NTMT1: variants seen among roughly 807,000 people sequenced by gnomAD.
The protein encoded by NTMT1 is N-terminal RCC1 methyltransferase.
Under a neutral mutation model 17.5 loss-of-function variants are expected in NTMT1, and 8 were observed. The ratio of observed to expected loss-of-function variants is 0.46; its 90% CI spans 0.27 to 0.82. The LOEUF (loss-of-function observed/expected upper bound fraction) is 0.82. Ranked by LOEUF, NTMT1 falls within the 40% of genes least tolerant of loss-of-function variation. The pLI is 0.15. For synonymous variants in NTMT1, 128 were observed against 126.8 expected, an observed-to-expected ratio of 1.01 and a Z score of -0.06; for missense variants, 221 against 303.5, an observed-to-expected ratio of 0.73 and a Z score of 2.02.
At position 129,626,285 on chromosome 9, in the gene NTMT1, C is replaced by G. The variant is rs540234593; in HGVS notation, c.-65C>G. The stretch of plus-strand genomic sequence containing the variant: ...ATCTTCTTCTCTCGGTCCCGGGAGC[C>G]CCCGCCCGGAGTGAGTAGCGCGAGG... On this transcript the variant is annotated 5_prime_UTR_variant, in exon 1 of 4. Transcript: ENST00000372483. 1 of 152,324 alleles carries G rather than the reference C, an allele frequency of 6.6e-6. No individual in the cohort carries two copies. Among genetic ancestry groups the G allele is most frequent in the South Asian group, 2.1e-4 (1 of 4,830 alleles). The allele number at this position is 152,324 out of a possible 1,614,324, so 9.4% of individuals were successfully genotyped here. A position where few individuals can be genotyped will look rare whatever the true frequency, so the allele number is the denominator to read the frequency against.
upstream of NTMT1, among the ~76,000 whole-genome samples, chr9:129,623,659 AT>A (rs1429812545): frequency 1.3e-5 from 2 of 151,964 alleles, no homozygotes; most frequent in African/African-American, 4.8e-5. Flanking sequence ...GATATATTCT[AT>A]TTTCTGTCAA....
At chr9:129,617,301 A>G (rs1313328131) in intron 1 of NTMT1, among the ~76,000 whole-genome samples, 1 of 152,224 alleles carries the variant, frequency 6.6e-6, no homozygotes, top group Non-Finnish European at 1.5e-5. Flanking sequence ...GTGCCTGGCT[A>G]CATGCCTTGG....
intron 1 of NTMT1, among the ~76,000 whole-genome samples, chr9:129,618,022 A>G (rs7850102): frequency 0.51 from 77,789 of 152,082 alleles, 20,507 homozygotes; most frequent in Non-Finnish European, 0.59. Context: ...ATCCATCAGG[A>G]GTATCTACCT....
At chr9:129,623,574 T>A (rs982887760), upstream of NTMT1, among the ~76,000 whole-genome samples, 1 of 152,138 alleles carries the variant, frequency 6.6e-6, no homozygotes, top group African/African-American at 2.4e-5. Context: ...GTGGCATAGT[T>A]TCATAATTTG....
intron 1 of NTMT1, among the ~76,000 whole-genome samples, chr9:129,616,779 G>T (rs866672404): frequency 6.6e-6 from 1 of 151,970 alleles, no homozygotes; most frequent in Non-Finnish European, 1.5e-5. Context: ...TCCATTTATT[G>T]TTATTAATTT....
Position 129,613,423 on chromosome 9 carries a change from C to G in NTMT1, c.-55+4245C>G. 6.2e-7 allele frequency: 1 copy of G among 1,612,632 alleles called. No individual in the cohort carries two copies. Among genetic ancestry groups the G allele is most frequent in the Non-Finnish European group, 8.5e-7 (1 of 1,179,160 alleles). ...ATGTCCACGAGTCCCATCCGCTTCC[C>G]TGGAGCCTCACAGGCCAGCGCAGTC... On this transcript the variant is annotated intron_variant, in intron 1 of 3. Transcript: ENST00000372486. The surrounding 1 kb of genome is among the most constrained non-coding windows in gnomAD (Gnocchi z 6.2).
chr9:129,619,467 A>G, intron 1 of NTMT1: 1 of 1,293,418 alleles, frequency 7.7e-7, no homozygotes, highest in Non-Finnish European at 1.1e-6. Flanking sequence ...AGAAAGAAGG[A>G]AAGAAATGCC....
At chr9:129,608,874 GA>G (rs1209859902), upstream of NTMT1, 1 of 152,828 alleles carries the variant, frequency 6.5e-6, no homozygotes, top group Non-Finnish European at 1.5e-5. Flanking sequence ...ACCTTGCCCT[GA>G]TCCTCCCTGC....
intron 1 of NTMT1, among the ~76,000 whole-genome samples, chr9:129,609,531 AG>A (rs1271337825): frequency 1.3e-5 from 2 of 152,044 alleles, no homozygotes; most frequent in African/African-American, 2.4e-5. Flanking sequence ...CCTGAAGCCC[AG>A]GAGGGGCAGC....
intron 2 of NTMT1, chr9:129,633,593 G>C (rs1831316757): frequency 1.3e-5 from 2 of 156,770 alleles, no homozygotes; most frequent in Non-Finnish European, 2.8e-5. Context: ...CAAGGTGAGA[G>C]GATTGCTTGA....
At position 129,613,379 on chromosome 9, in the gene NTMT1, G is replaced by T. The variant is rs577289479; in HGVS notation, c.-55+4201G>T. 5 of 1,597,458 alleles carry T rather than the reference G, an allele frequency of 3.1e-6. No homozygotes were observed. The highest frequency in any genetic ancestry group is 4.5e-5 in the East Asian group (2 of 44,596). On this transcript the variant is annotated intron_variant, in intron 1 of 3. Transcript: ENST00000372486. The surrounding 1 kb of genome is among the most constrained non-coding windows in gnomAD (Gnocchi z 6.2). ...TGGGTGGGGAGGTCTGTAGGCAAGG[G>T]GGGTGGAGGGCCCTGGCAATGTCCA...
intron 1 of NTMT1, among the ~76,000 whole-genome samples, chr9:129,609,796 CA>C (rs1341669501): frequency 2.0e-5 from 3 of 152,030 alleles, no homozygotes; most frequent in African/African-American, 2.4e-5. Context: ...TACAGAGGGC[CA>C]GGGGGAGGCG....
chr9:129,623,054 C>A (rs1266175330), upstream of NTMT1, among the ~76,000 whole-genome samples: 1 of 149,960 alleles, frequency 6.7e-6, no homozygotes, highest in Non-Finnish European at 1.5e-5. Context: ...AAAGAAAGAG[C>A]CGGGCACGGT....
Position 129,620,214 on chromosome 9 carries a change from G to A in NTMT1, c.-55+11036G>A. 2.2e-6 allele frequency: 3 copies of A among 1,374,616 alleles called. No individual in the cohort carries two copies. The highest frequency in any genetic ancestry group is 2.9e-5 in the East Asian group (1 of 34,530). The allele number at this position is 1,374,616 out of a possible 1,614,324, so 85.2% of individuals were successfully genotyped here. A position where few individuals can be genotyped will look rare whatever the true frequency, so the allele number is the denominator to read the frequency against. On this transcript the variant is annotated intron_variant, in intron 1 of 3. Coordinates refer to the NTMT1 transcript ENST00000372486. This position sits in a 1 kb window ranked among gnomAD's most constrained non-coding sequence, Gnocchi z 5.8. ...CTCCGGGGGCGCTCGCGCTCTCCAGGCCCTGGCTGCCTGGGCGCCGATTCC... is the reference window on the plus strand; with the variant it reads ...CTCCGGGGGCGCTCGCGCTCTCCAGACCCTGGCTGCCTGGGCGCCGATTCC...
chr9:129,612,345 G>A (rs775769074), intron 1 of NTMT1: 103 of 1,612,842 alleles, frequency 6.4e-5, no homozygotes, highest in Non-Finnish European at 8.6e-5. Flanking sequence ...GTTCGCGAGT[G>A]TTCACCTCTT....
chr9:129,623,823 C>CTTTTTTTTTTTTT (rs746654555), upstream of NTMT1, among the ~76,000 whole-genome samples: 46 of 107,794 alleles, frequency 4.3e-4, 5 homozygotes, highest in East Asian at 1.1e-3. Flanking sequence ...TTTTTCTTTT[C>CTTTTTTTTTTTTT]TTTTCTTTTT....
intron 1 of NTMT1, chr9:129,615,520 C>G: frequency 6.2e-7 from 1 of 1,610,314 alleles, no homozygotes. Flanking sequence ...AGCGTTGTGT[C>G]CTGCAGGGTC....
intron 1 of NTMT1, among the ~76,000 whole-genome samples, chr9:129,617,068 A>G (rs1204133884): frequency 7.1e-6 from 1 of 140,764 alleles, no homozygotes; most frequent in East Asian, 2.0e-4. Context: ...TTCGTCTCAA[A>G]AAAAAAGAAA....
chr9:129,635,327 G>T lies in NTMT1; in HGVS notation c.535G>T (p.Val179Leu), dbSNP rs150529893. The change falls in exon 4 of 4, where the codon GTG becomes TTG. Residue 179 changes from valine to leucine, a missense_variant. By Grantham distance (32) the Val-to-Leu change is conservative. Coordinates refer to ENST00000372483, the MANE Select transcript of NTMT1 (RefSeq NM_014064.4). Reference protein sequence around the residue: ...MAQEGVILDDVDSSVCRDLDV... With the variant: ...MAQEGVILDDLDSSVCRDLDV... ...CCAGGAGGGCGTGATTCTGGACGAC[G>T]TGGACAGCAGCGTGTGCCGGGACCT... is the stretch of plus-strand genomic sequence containing the variant. 1.2e-5 allele frequency: 19 copies of T among 1,613,720 alleles called. No homozygotes were observed. In the Admixed American group the frequency reaches 3.2e-4, roughly 27 times the overall value.
Sources: gnomAD v4.1 joint callset for allele counts (sites outside exome capture counted in the v4.1 genomes callset) on GRCh38, gnomAD v4.1.1 for gene constraint, Gnocchi (gnomAD v3.1) non-coding constraint, MANE v1.5 for transcripts, NCBI Gene and HGNC (gene_info 2026-07-23, HGNC 2026-07-21) for gene names.